The following FRAS1 variants were observed in gnomAD, a reference collection of about 807,000 sequenced individuals.
FRAS1 encodes Fraser extracellular matrix complex subunit 1, also known as extracellular matrix organizing protein FRAS1.
A neutral mutation model predicts 435.2 loss-of-function variants in FRAS1; 290 were observed. The observed-to-expected ratio is 0.67, with a 90% CI of 0.61 to 0.73. The LOEUF (loss-of-function observed/expected upper bound fraction) is 0.73, where lower values mean the gene tolerates loss of function less well. Among genes scored for constraint, FRAS1 ranks in the 30% least tolerant of loss-of-function variants. The pLI is 0.00. For synonymous variants in FRAS1, 1,800 were observed against 1,851.0 expected (o/e 0.97, Z 0.71); for missense variants, 4,860 against 5,001.5 (o/e 0.97, Z 0.85).
At chr4:78,515,203 A>T (rs1721167904) in intron 65 of FRAS1, among the ~76,000 whole-genome samples, 1 of 152,140 alleles carries the variant, frequency 6.6e-6, no homozygotes, top group Admixed American at 6.5e-5. Flanking sequence ...TGCCTGGCAC[A>T]GGTGAGAGTT....
chr4:78,074,564 G>T (rs952203404), intron 2 of FRAS1, among the ~76,000 whole-genome samples: 3 of 152,096 alleles, frequency 2.0e-5, no homozygotes, highest in Non-Finnish European at 2.9e-5. Context: ...ACCCTGCTTA[G>T]CCAGTAGTCC....
intron 47 of FRAS1, 104 bp downstream of exon 47, chr4:78,452,458 C>A: frequency 1.1e-6 from 1 of 871,630 alleles, no homozygotes; most frequent in Non-Finnish European, 1.7e-6. Flanking sequence ...TGCCTTAATT[C>A]ATATTTATTT....
At chr4:78,386,591 C>G (rs1276176310) in intron 28 of FRAS1, among the ~76,000 whole-genome samples, 1 of 152,148 alleles carries the variant, frequency 6.6e-6, no homozygotes, top group Non-Finnish European at 1.5e-5. Flanking sequence ...GAGAAAAGTC[C>G]TAGATGGTTC....
At chr4:78,403,644 G>A (rs1024471317) in intron 30 of FRAS1, among the ~76,000 whole-genome samples, 3 of 152,202 alleles carry the variant, frequency 2.0e-5, no homozygotes, top group African/African-American at 4.8e-5. Flanking sequence ...TGCTTGTATA[G>A]TATGTGCATG....
At chr4:78,364,574 T>C (rs555011986) in intron 22 of FRAS1, among the ~76,000 whole-genome samples, 2 of 152,236 alleles carry the variant, frequency 1.3e-5, no homozygotes, top group South Asian at 4.1e-4. Context: ...TGTATGGGAG[T>C]TACTTATATA....
Position 78,124,580 on chromosome 4 carries a change from T to G in FRAS1, c.108+58564T>G, listed in dbSNP as rs140492894. 6.6e-3 allele frequency among the ~76,000 whole-genome samples: 1,011 copies of G among 152,304 alleles called. 14 individuals are homozygous for G. The highest frequency in any genetic ancestry group is 0.023 in the African/African-American group (957 of 41,562). ...CTCCTCTTTGTACCTTTGGTAGAAT[T>G]AGGCTGTGAATCTGTCTGGTCCTGG... On this transcript the variant is annotated intron_variant, in intron 2 of 73. Transcript: ENST00000512123.
At chr4:78,170,417 T>C (rs1721504173) in intron 2 of FRAS1, among the ~76,000 whole-genome samples, 2 of 152,160 alleles carry the variant, frequency 1.3e-5, no homozygotes, top group Non-Finnish European at 2.9e-5. Flanking sequence ...TGTCACTTCA[T>C]TTCATGTTGC....
At chr4:78,335,731 T>C (rs576721336) in intron 19 of FRAS1, among the ~76,000 whole-genome samples, 5 of 152,156 alleles carry the variant, frequency 3.3e-5, no homozygotes, top group South Asian at 2.1e-4. Context: ...CAAAAGGAGA[T>C]GGAGGTATTT....
chr4:78,286,132 A>T (rs1727585268), intron 13 of FRAS1: 1 of 538,890 alleles, frequency 1.9e-6, no homozygotes, highest in Admixed American at 2.3e-5. Context: ...AATCTCCCTG[A>T]GTCTGTTCCT....
At chr4:78,406,919 A>G (rs1389103769) in intron 30 of FRAS1, among the ~76,000 whole-genome samples, 1 of 152,216 alleles carries the variant, frequency 6.6e-6, no homozygotes, top group Non-Finnish European at 1.5e-5. Flanking sequence ...AAGCACTGAC[A>G]TGATGCCACA....
At chr4:78,113,218 A>T (rs549255944) in intron 2 of FRAS1, among the ~76,000 whole-genome samples, 1 of 152,308 alleles carries the variant, frequency 6.6e-6, no homozygotes, top group South Asian at 2.1e-4. Flanking sequence ...TTCTTAATCC[A>T]GTCTATCATT....
chr4:78,383,676 C>G (rs749153551), intron 27 of FRAS1, among the ~76,000 whole-genome samples: 1 of 152,162 alleles, frequency 6.6e-6, no homozygotes, highest in Non-Finnish European at 1.5e-5. Flanking sequence ...AAGAGGGAAT[C>G]GTGGAGAACT....
chr4:78,486,488 T>G (rs1720172608), intron 58 of FRAS1, among the ~76,000 whole-genome samples: 1 of 152,180 alleles, frequency 6.6e-6, no homozygotes, highest in African/African-American at 2.4e-5. Context: ...CATCAGCAGG[T>G]AACCTCCATT....
intron 2 of FRAS1, among the ~76,000 whole-genome samples, chr4:78,197,759 G>C (rs1365573775): frequency 2.0e-5 from 3 of 152,066 alleles, no homozygotes; most frequent in Admixed American, 1.3e-4. Context: ...GGCTAACACG[G>C]TGAAACCCCA....
At chr4:78,096,607 C>G (rs1288994741) in intron 2 of FRAS1, among the ~76,000 whole-genome samples, 1 of 152,214 alleles carries the variant, frequency 6.6e-6, no homozygotes, top group Non-Finnish European at 1.5e-5. Context: ...CCCGCAGGCT[C>G]AAAACCATGT....
intron 2 of FRAS1, among the ~76,000 whole-genome samples, chr4:78,119,941 G>C (rs968332475): frequency 1.3e-5 from 2 of 152,160 alleles, no homozygotes; most frequent in Non-Finnish European, 2.9e-5. Flanking sequence ...ACTACATGGA[G>C]GCAAGGGGAA....
intron 18 of FRAS1, among the ~76,000 whole-genome samples, chr4:78,331,101 T>C (rs1729930899): frequency 1.3e-5 from 2 of 152,218 alleles, no homozygotes; most frequent in Non-Finnish European, 2.9e-5. Flanking sequence ...CCTATGTGAA[T>C]ATCGGGGCAG....
intron 69 of FRAS1, among the ~76,000 whole-genome samples, chr4:78,525,077 G>A (rs1721489681): frequency 6.6e-6 from 1 of 152,162 alleles, no homozygotes. Context: ...GAAGAGAGTA[G>A]TAGACAATAA....
At chr4:78,448,659 C>G (rs1248551680) in intron 44 of FRAS1, among the ~76,000 whole-genome samples, 1 of 86,778 alleles carries the variant, frequency 1.2e-5, no homozygotes, top group East Asian at 2.6e-4. Flanking sequence ...TTCAACAAAC[C>G]CCATGGAAAC....
Sources: allele counts gnomAD v4.1 joint callset (sites outside exome capture counted in the v4.1 genomes callset), GRCh38; gene constraint gnomAD v4.1.1; transcripts MANE v1.5; gene names NCBI Gene and HGNC (gene_info 2026-07-23, HGNC 2026-07-21).